Variants in DGKI observed in about 807,000 individuals in gnomAD.
The protein encoded by DGKI is diacylglycerol kinase iota, also known as DAG kinase iota.
A neutral mutation model predicts 147.5 loss-of-function variants in DGKI; 55 were observed. That is an observed-to-expected ratio of 0.37 (90% CI 0.30 to 0.47). The LOEUF is 0.47. Ranked by LOEUF, DGKI falls within the 20% of genes least tolerant of loss-of-function variation. The probability of loss-of-function intolerance (pLI) is 1.00; values close to 1 mark genes in which losing one functional copy is unlikely to be tolerated. For missense variants in DGKI, 1,007 were observed against 1,323.8 expected, an observed-to-expected ratio of 0.76 and a Z score of 3.71; for synonymous variants, 469 against 477.1, an observed-to-expected ratio of 0.98 and a Z score of 0.22.
At position 137,657,370 on chromosome 7, in the gene DGKI, C is replaced by T. The variant is rs181890728; in HGVS notation, c.607-830G>A. ...TCATGCTTATAAGCATTACACAATT[C>T]GGCCTCTCTGACAGTCAGTATTAGT... On this transcript the variant is annotated intron_variant, in intron 3 of 32. Coordinates refer to ENST00000614521, the MANE Select transcript of DGKI (RefSeq NM_001321708.2). Among the ~76,000 whole-genome samples the T allele has an allele frequency of 2.6e-3, 403 of 152,226 alleles. 1 individual carries two copies. Among genetic ancestry groups the T allele is most frequent in the East Asian group, 0.018 (95 of 5,182 alleles).
chr7:137,638,462 G>GTATATATATA lies in DGKI; in HGVS notation c.804+7009_804+7010insTATATATATA, dbSNP rs1346537188. 5.5e-3 allele frequency among the ~76,000 whole-genome samples: 108 copies of GTATATATATA among 19,724 alleles called. 16 individuals are homozygous for GTATATATATA. The highest frequency in any genetic ancestry group is 0.015 in the African/African-American group (104 of 6,824). The allele number at this position is 19,724 out of a possible 152,430, so 12.9% of individuals were successfully genotyped here. A position where few individuals can be genotyped will look rare whatever the true frequency, so the allele number is the denominator to read the frequency against. On this transcript the variant is annotated intron_variant, in intron 6 of 32. Transcript: ENST00000614521. ...TATATATACACACACACATATATAT[G>GTATATATATA]TGTGTATATATGTGTGTATATATAT...
At chr7:137,560,827 C>T (rs1470372556) in intron 19 of DGKI, among the ~76,000 whole-genome samples, 1 of 152,150 alleles carries the variant, frequency 6.6e-6, no homozygotes, top group East Asian at 1.9e-4. Context: ...CATAGAATCT[C>T]CAGAGGGAAC....
At chr7:137,522,095 G>A (rs1171514561) in intron 20 of DGKI, 129 bp from the exon 21 acceptor site, 9 of 636,486 alleles carry the variant, frequency 1.4e-5, no homozygotes, top group Non-Finnish European at 2.1e-5. Flanking sequence ...AACCAGAAAG[G>A]TGGGTTCCTT....
intron 1 of DGKI, among the ~76,000 whole-genome samples, chr7:137,771,250 C>A (rs555257882): frequency 5.3e-4 from 80 of 152,196 alleles, no homozygotes; most frequent in African/African-American, 1.9e-3. Context: ...GCCACCATGC[C>A]CAGCTAATTT....
chr7:137,789,588 CTA>C (rs760777309), intron 1 of DGKI, among the ~76,000 whole-genome samples: 7 of 152,048 alleles, frequency 4.6e-5, no homozygotes, highest in Non-Finnish European at 8.8e-5. Flanking sequence ...AGAAAACATT[CTA>C]CAAAGTGTAT....
At chr7:137,566,773 T>C (rs1193814767) in intron 19 of DGKI, among the ~76,000 whole-genome samples, 2 of 152,110 alleles carry the variant, frequency 1.3e-5, no homozygotes, top group Non-Finnish European at 2.9e-5. Flanking sequence ...AAACAATCTC[T>C]CCTGAAAAGA....
In DGKI at chr7:137,463,552, C is replaced by T; in HGVS notation, c.2672G>A (p.Gly891Glu). 1 of 1,614,158 alleles carries T rather than the reference C, an allele frequency of 6.2e-7. No individual in the cohort carries two copies. The highest frequency in any genetic ancestry group is 1.1e-5 in the South Asian group (1 of 91,072). Residue 891 changes from glycine to glutamate, a missense_variant, in exon 27 of 33, where the codon GGG becomes GAG. By Grantham distance (98) the Gly-to-Glu change is moderately conservative (BLOSUM62 -2). Coordinates refer to ENST00000614521, the MANE Select transcript of DGKI (RefSeq NM_001321708.2). ...RKRMLSDSGLGMIAPYYEDSD... is the reference protein window; with the variant it reads ...RKRMLSDSGLEMIAPYYEDSD... Reference sequence around the variant, plus strand: ...GTCCTCATAATAGGGAGCTATCATCCCCAGCCCACTGTCACTCAGCATGCG... The same window carrying T: ...GTCCTCATAATAGGGAGCTATCATCTCCAGCCCACTGTCACTCAGCATGCG...
chr7:137,568,847 G>C (rs1468855844), intron 19 of DGKI, among the ~76,000 whole-genome samples: 1 of 151,088 alleles, frequency 6.6e-6, no homozygotes, highest in Non-Finnish European at 1.5e-5. Context: ...TATATAATTA[G>C]TGTAATATTC....
At chr7:137,394,508 C>T (rs1462502463) in intron 32 of DGKI, among the ~76,000 whole-genome samples, 1 of 152,106 alleles carries the variant, frequency 6.6e-6, no homozygotes, top group Non-Finnish European at 1.5e-5. Context: ...ACAACTCCTC[C>T]TTCCCTCTAT....
intron 28 of DGKI, among the ~76,000 whole-genome samples, chr7:137,420,674 G>T (rs577477166): frequency 6.6e-6 from 1 of 152,164 alleles, no homozygotes; most frequent in South Asian, 2.1e-4. Context: ...GTGCTTGTTA[G>T]ATTGAATTAA....
intron 19 of DGKI, among the ~76,000 whole-genome samples, chr7:137,569,077 C>T (rs1037731404): frequency 1.3e-5 from 2 of 151,960 alleles, no homozygotes; most frequent in African/African-American, 4.8e-5. Context: ...AAGGGAGAGC[C>T]GATGCTGTGC....
chr7:137,427,928 G>C (rs1367044341), intron 28 of DGKI, among the ~76,000 whole-genome samples: 1 of 150,906 alleles, frequency 6.6e-6, no homozygotes, highest in African/African-American at 2.4e-5. Context: ...CAACCAAAAA[G>C]AGTCCACGAC....
intron 17 of DGKI, among the ~76,000 whole-genome samples, chr7:137,574,662 A>T (rs747362617): frequency 1.9e-4 from 29 of 152,160 alleles, no homozygotes; most frequent in Non-Finnish European, 3.1e-4. Context: ...AAACTGTGCA[A>T]TTCCTTTAGA....
rs374631583 is a variant in DGKI at position 137,526,932 on chromosome 7, C to A, written c.2148-4966G>T. ...TCTCTTTATGGATAAAGTGGATGGGCTGAGCGTTTTGGTTCTCCAGGGTCA... is the reference window on the plus strand; with the variant it reads ...TCTCTTTATGGATAAAGTGGATGGGATGAGCGTTTTGGTTCTCCAGGGTCA... On this transcript the variant is annotated intron_variant, in intron 20 of 32. Coordinates refer to ENST00000614521, the MANE Select transcript of DGKI (RefSeq NM_001321708.2). 4.6e-5 allele frequency among the ~76,000 whole-genome samples: 7 copies of A among 152,240 alleles called. No homozygotes were observed. In the East Asian group the frequency reaches 1.4e-3, roughly 29 times the overall value.
chr7:137,433,487 A>C (rs2128912447), intron 28 of DGKI, among the ~76,000 whole-genome samples: 1 of 152,352 alleles, frequency 6.6e-6, no homozygotes, highest in East Asian at 1.9e-4. Flanking sequence ...TAGTCAAATT[A>C]AAAACAAATA....
At chr7:137,493,563 T>C (rs962624352) in intron 21 of DGKI, among the ~76,000 whole-genome samples, 6 of 152,156 alleles carry the variant, frequency 3.9e-5, no homozygotes, top group East Asian at 1.9e-4. Flanking sequence ...GAGCTGAGCA[T>C]TGGCCCCCTA....
rs1452824588 is a variant in DGKI, at chr7:137,521,878, G to A, written c.2236C>T (p.Leu746Phe). Reference sequence around the variant, plus strand: ...ACTTCCAACTTACAAGCTTCTCGGAGTTTCTCCTTGTCATAGTGGAATCCT... The same window carrying A: ...ACTTCCAACTTACAAGCTTCTCGGAATTTCTCCTTGTCATAGTGGAATCCT... ...YEGFHYDKEK[L>F]REASIPLGIL... Residue 746 changes from leucine (L) to phenylalanine (F), a missense_variant, in exon 21 of 33, where the codon CTC becomes TTC. Leu to Phe is a conservative substitution (Grantham distance 22). Transcript: ENST00000614521. 7.4e-6 allele frequency: 12 copies of A among 1,610,774 alleles called. No individual in the cohort carries two copies.
At chr7:137,822,697 T>C (rs546106225) in intron 1 of DGKI, among the ~76,000 whole-genome samples, 1 of 151,950 alleles carries the variant, frequency 6.6e-6, no homozygotes, top group Non-Finnish European at 1.5e-5. Flanking sequence ...AAGAAAATTT[T>C]TGAAGAAAAC....
chr7:137,825,694 A>ACT (rs1335955709), intron 1 of DGKI, among the ~76,000 whole-genome samples: 1 of 151,736 alleles, frequency 6.6e-6, no homozygotes, highest in Non-Finnish European at 1.5e-5. Flanking sequence ...ATACACACAC[A>ACT]CATACACATA....
Sources: allele counts gnomAD v4.1 joint callset (sites outside exome capture counted in the v4.1 genomes callset), GRCh38; gene constraint gnomAD v4.1.1; transcripts MANE v1.5; gene names NCBI Gene and HGNC (gene_info 2026-07-23, HGNC 2026-07-21).